LRRTM4: variants seen among roughly 807,000 people sequenced by gnomAD.
LRRTM4 encodes leucine-rich repeat transmembrane neuronal protein 4.
LRRTM4 carries 25 observed loss-of-function variants against 47.6 expected under a neutral mutation model. The ratio of observed to expected loss-of-function variants is 0.53; its 90% CI spans 0.38 to 0.73. The LOEUF (loss-of-function observed/expected upper bound fraction) is 0.73. Ranked by LOEUF, LRRTM4 falls within the 30% of genes least tolerant of loss-of-function variation. The probability of loss-of-function intolerance (pLI) is 0.00; values close to 1 mark genes in which losing one functional copy is unlikely to be tolerated. For synonymous variants in LRRTM4, 311 were observed against 269.5 expected, an observed-to-expected ratio of 1.15 and a Z score of -1.51; for missense variants, 638 against 713.4, an observed-to-expected ratio of 0.89 and a Z score of 1.20.
At chr2:77,187,471 T>C (rs1246625360) in intron 3 of LRRTM4, among the ~76,000 whole-genome samples, 1 of 112,764 alleles carries the variant, frequency 8.9e-6, no homozygotes, top group Non-Finnish European at 1.8e-5. Context: ...CAGGGGACTG[T>C]TGTGGGGTGG....
chr2:76,901,863 G>T (rs995543753), intron 3 of LRRTM4, among the ~76,000 whole-genome samples: 1 of 152,292 alleles, frequency 6.6e-6, no homozygotes, highest in East Asian at 1.9e-4. Flanking sequence ...TAGGCATACT[G>T]TGTGCATTTG....
At chr2:77,352,691 A>T (rs576992160) in intron 3 of LRRTM4, among the ~76,000 whole-genome samples, 7 of 152,148 alleles carry the variant, frequency 4.6e-5, no homozygotes, top group South Asian at 2.1e-4. Flanking sequence ...CCAAACCAAG[A>T]TAAAATTTTT....
chr2:77,321,593 A>G (rs1447822057), intron 3 of LRRTM4, among the ~76,000 whole-genome samples: 1 of 143,428 alleles, frequency 7.0e-6, no homozygotes, highest in Non-Finnish European at 1.5e-5. Context: ...AAAAGAAAAG[A>G]AAAAAGAAAT....
chr2:77,320,091 G>C lies in LRRTM4; in HGVS notation c.1551+198227C>G, dbSNP rs558881992. Among the ~76,000 whole-genome samples the C allele has an allele frequency of 5.7e-4, 86 of 152,028 alleles. 1 individual carries two copies. Among genetic ancestry groups the C allele is most frequent in the Middle Eastern group, 3.4e-3 (1 of 294 alleles). ...AGTCACTCTCCATTGTCCCTACTTT[G>C]GTCTTTGTTGAGCCTTCTTAGATAC... On this transcript the variant is annotated intron_variant, in intron 3 of 3. Transcript: ENST00000409884.
At chr2:76,760,889 G>C (rs1259579622) in intron 3 of LRRTM4, among the ~76,000 whole-genome samples, 1 of 152,198 alleles carries the variant, frequency 6.6e-6, no homozygotes, top group Non-Finnish European at 1.5e-5. Flanking sequence ...AGTCATTTGA[G>C]ATTTCTTCAG....
chr2:76,810,306 C>A (rs1044438411), intron 3 of LRRTM4, among the ~76,000 whole-genome samples: 1 of 152,044 alleles, frequency 6.6e-6, no homozygotes, highest in Admixed American at 6.6e-5. Context: ...AAAATTTGAA[C>A]ATTTTCTAAG....
chr2:76,910,039 A>T (rs1673993295), intron 3 of LRRTM4, among the ~76,000 whole-genome samples: 1 of 152,174 alleles, frequency 6.6e-6, no homozygotes, highest in Admixed American at 6.5e-5. Context: ...ATAAAGACAC[A>T]TGAACACGTA....
At chr2:77,177,710 G>C (rs1292644390) in intron 3 of LRRTM4, among the ~76,000 whole-genome samples, 1 of 152,140 alleles carries the variant, frequency 6.6e-6, no homozygotes, top group Non-Finnish European at 1.5e-5. Flanking sequence ...AGCACCACAG[G>C]CTCCAGGTGA....
At chr2:77,001,366 G>A (rs1308745947) in intron 3 of LRRTM4, among the ~76,000 whole-genome samples, 1 of 152,110 alleles carries the variant, frequency 6.6e-6, no homozygotes, top group African/African-American at 2.4e-5. Flanking sequence ...ATTACATGGA[G>A]ATCCTGGGTC....
chr2:77,426,846 C>T (rs867355511), intron 3 of LRRTM4, among the ~76,000 whole-genome samples: 2 of 125,568 alleles, frequency 1.6e-5, no homozygotes, highest in African/African-American at 5.6e-5. Flanking sequence ...CACACACACA[C>T]AGAGAGAGAG....
chr2:77,255,021 A>G (rs935777558), intron 3 of LRRTM4, among the ~76,000 whole-genome samples: 22 of 151,962 alleles, frequency 1.4e-4, no homozygotes, highest in African/African-American at 5.1e-4. Flanking sequence ...ATGTGATGCT[A>G]CTACATGTTG....
At chr2:77,435,033 C>T (rs1675535354) in intron 3 of LRRTM4, among the ~76,000 whole-genome samples, 1 of 151,834 alleles carries the variant, frequency 6.6e-6, no homozygotes, top group African/African-American at 2.4e-5. Context: ...AATTGTTTGT[C>T]CTATGCATTG....
At chr2:77,491,238 G>A (rs1324635042) in intron 3 of LRRTM4, among the ~76,000 whole-genome samples, 1 of 152,048 alleles carries the variant, frequency 6.6e-6, no homozygotes, top group African/African-American at 2.4e-5. Context: ...TTGCCTGAAT[G>A]AGGAAGAATC....
chr2:77,107,529 A>C (rs1236676756), intron 3 of LRRTM4, among the ~76,000 whole-genome samples: 1 of 152,172 alleles, frequency 6.6e-6, no homozygotes, highest in African/African-American at 2.4e-5. Flanking sequence ...AGTGATTAAA[A>C]ATAACTAGGC....
At chr2:77,226,360 T>A (rs956295028) in intron 3 of LRRTM4, among the ~76,000 whole-genome samples, 6 of 151,638 alleles carry the variant, frequency 4.0e-5, no homozygotes, top group Non-Finnish European at 8.8e-5. Context: ...TCTATTCTTT[T>A]TTACATATAA....
chr2:76,863,173 A>G (rs1012438790), intron 3 of LRRTM4, among the ~76,000 whole-genome samples: 3 of 152,140 alleles, frequency 2.0e-5, no homozygotes, highest in Admixed American at 2.0e-4. Context: ...AATTTTACGG[A>G]GAGAGAAAAA....
At chr2:77,253,305 T>G (rs10197156) in intron 3 of LRRTM4, among the ~76,000 whole-genome samples, 18,676 of 152,102 alleles carry the variant, frequency 0.12, 3,843 homozygotes, top group African/African-American at 0.42. Context: ...TTTACCTGGG[T>G]TGGACCTAGT....
At chr2:76,983,998 C>G (rs1676704773) in intron 3 of LRRTM4, among the ~76,000 whole-genome samples, 2 of 152,018 alleles carry the variant, frequency 1.3e-5, no homozygotes, top group African/African-American at 4.8e-5. Context: ...AGAGCAATTT[C>G]CAGTGTGACT....
chr2:76,781,068 G>A (rs1290080489), intron 3 of LRRTM4, among the ~76,000 whole-genome samples: 2 of 150,332 alleles, frequency 1.3e-5, no homozygotes, highest in Admixed American at 6.7e-5. Flanking sequence ...CAGTTAGGCT[G>A]TTCTGGGGTC....
Sources: gnomAD v4.1 joint callset for allele counts (sites outside exome capture counted in the v4.1 genomes callset) on GRCh38, gnomAD v4.1.1 for gene constraint, MANE v1.5 for transcripts, NCBI Gene and HGNC (gene_info 2026-07-23, HGNC 2026-07-21) for gene names.